ADAMTS18: variants seen among roughly 807,000 people sequenced by gnomAD.
ADAMTS18 encodes the protein ADAM metallopeptidase with thrombospondin type 1 motif 18.
A neutral mutation model predicts 165.9 loss-of-function variants in ADAMTS18; 157 were observed. The ratio of observed to expected loss-of-function variants is 0.95; its 90% CI spans 0.83 to 1.08. The LOEUF (loss-of-function observed/expected upper bound fraction) is 1.08. Among genes scored for constraint, ADAMTS18 ranks in the 50% least tolerant of loss-of-function variants. The probability of loss-of-function intolerance (pLI) is 0.00; values close to 1 mark genes in which losing one functional copy is unlikely to be tolerated. For synonymous variants in ADAMTS18, 782 were observed against 578.2 expected (o/e 1.35, Z -5.06); for missense variants, 2,040 against 1,534.0 (o/e 1.33, Z -5.51).
In ADAMTS18 at chr16:77,335,778, C is replaced by G; in HGVS notation, c.1837G>C (p.Glu613Gln). 6.2e-7 allele frequency: 1 copy of G among 1,614,218 alleles called. No homozygotes were observed. Among genetic ancestry groups the G allele is most frequent in the Non-Finnish European group, 8.5e-7 (1 of 1,180,040 alleles). The change falls in exon 12 of 23, where the codon GAG (glutamate) becomes CAG (glutamine). Residue 613 changes from glutamate to glutamine, a missense_variant. Coordinates refer to ENST00000282849, the MANE Select transcript of ADAMTS18 (RefSeq NM_199355.4). The stretch of plus-strand genomic sequence containing the variant: ...TACTTGGGGTTATTGCAGTGTCTCT[C>G]CTGGAACTTGACTCCTCCACCACAT... ...RTCGGGVKFQ[E>Q]RHCNNPKPQY...
intron 2 of ADAMTS18, among the ~76,000 whole-genome samples, chr16:77,434,049 A>C (rs1271485259): frequency 6.6e-6 from 1 of 152,200 alleles, no homozygotes; most frequent in African/African-American, 2.4e-5. Flanking sequence ...TTCATCTCCC[A>C]CTAAGAATTA....
intron 3 of ADAMTS18, among the ~76,000 whole-genome samples, chr16:77,415,792 T>C (rs1301662702): frequency 1.3e-5 from 2 of 149,958 alleles, no homozygotes; most frequent in African/African-American, 2.5e-5. Flanking sequence ...AGACACGCCA[T>C]TGATGTTTTT....
intron 7 of ADAMTS18, among the ~76,000 whole-genome samples, chr16:77,360,278 C>T (rs555520351): frequency 3.0e-4 from 46 of 152,330 alleles, no homozygotes; most frequent in Non-Finnish European, 5.3e-4. Flanking sequence ...CAAATTCACA[C>T]ACTGTGCTAT....
chr16:77,377,888 A>C (rs1378682025), intron 3 of ADAMTS18, among the ~76,000 whole-genome samples: 2 of 152,234 alleles, frequency 1.3e-5, no homozygotes, highest in East Asian at 3.8e-4. Flanking sequence ...CTTAAAGTAT[A>C]ATCAATATGA....
At position 77,314,778 on chromosome 16, in the gene ADAMTS18, A is replaced by G. The variant is rs868513141; in HGVS notation, c.2532+5071T>C. 1.2e-3 allele frequency among the ~76,000 whole-genome samples: 102 copies of G among 85,402 alleles called. 3 individuals carry two copies. The highest frequency in any genetic ancestry group is 1.8e-3 in the Non-Finnish European group (75 of 41,022). 56.0% of individuals were successfully genotyped at this position (85,402 alleles called of 152,430 possible). ...CATATATATATATATATATATATAT[A>G]TATATATAAAATATATGTGATATGC... On this transcript the variant is annotated intron_variant, in intron 16 of 22. Transcript: ENST00000282849.
chr16:77,353,555 C>A (rs2144713418), intron 10 of ADAMTS18, among the ~76,000 whole-genome samples, 178 bp downstream of exon 10: 1 of 152,290 alleles, frequency 6.6e-6, no homozygotes, highest in Middle Eastern at 3.4e-3. Flanking sequence ...TGTGGATAGG[C>A]CTGGATAATT....
chr16:77,390,645 G>T (rs1242177574), intron 3 of ADAMTS18, among the ~76,000 whole-genome samples: 1 of 150,280 alleles, frequency 6.7e-6, no homozygotes, highest in East Asian at 2.0e-4. Flanking sequence ...AGTGGAGATC[G>T]CACCACTGCA....
At chr16:77,321,542 G>A (rs1222713206) in intron 14 of ADAMTS18, among the ~76,000 whole-genome samples, 4 of 152,142 alleles carry the variant, frequency 2.6e-5, no homozygotes, top group African/African-American at 7.2e-5. Context: ...ATGCATGCAT[G>A]TGTACAAACA....
intron 13 of ADAMTS18, among the ~76,000 whole-genome samples, chr16:77,322,958 C>A (rs1476582350): frequency 6.6e-6 from 1 of 151,768 alleles, no homozygotes; most frequent in Non-Finnish European, 1.5e-5. Context: ...TTTCAGGCAC[C>A]AGGGAGAAAA....
At chr16:77,388,481 A>C (rs1160254569) in intron 3 of ADAMTS18, among the ~76,000 whole-genome samples, 1 of 152,154 alleles carries the variant, frequency 6.6e-6, no homozygotes, top group South Asian at 2.1e-4. Context: ...CACGCCACAG[A>C]CTGGAACCAA....
Position 77,431,323 on chromosome 16 carries a change from G to T in ADAMTS18, c.467C>A (p.Ser156Tyr), listed in dbSNP as rs763484903. The change falls in exon 3 of 23, where the codon TCT becomes TAT. Residue 156 changes from serine to tyrosine, a missense_variant. Coordinates refer to ENST00000282849, the MANE Select transcript of ADAMTS18 (RefSeq NM_199355.4). The part of the protein sequence containing the change: ...QGFIRNDSSS[S>Y]VAVSTCAGLS... ...GCCAGCACACGTAGACACAGCGACA[G>T]AGGAGGAGCTGTCATTTCTGATAAA... The T allele has an allele frequency of 3.1e-6, 5 of 1,614,034 alleles. No individual in the cohort carries two copies. In the African/African-American group the frequency reaches 6.7e-5, roughly 22 times the overall value.
chr16:77,412,139 G>A (rs796164006), intron 3 of ADAMTS18, among the ~76,000 whole-genome samples: 1 of 152,110 alleles, frequency 6.6e-6, no homozygotes, highest in South Asian at 2.1e-4. Flanking sequence ...TCCACTGAAG[G>A]CCTAAATAGA....
chr16:77,291,556 G>T lies in ADAMTS18; in HGVS notation c.3190-78C>A. On this transcript the variant is annotated intron_variant, in intron 20 of 22. Transcript: ENST00000282849. ...CTGGACAGAGGCAGTTTGACATAAG[G>T]TTGCACCATCCACATGAAATAGGAG... 11 of 1,407,476 alleles carry T rather than the reference G, an allele frequency of 7.8e-6. 1 individual carries two copies. The highest frequency in any genetic ancestry group is 5.6e-5 in the African/African-American group (4 of 71,426). 87.2% of individuals were successfully genotyped at this position (1,407,476 alleles called of 1,614,324 possible). A position where few individuals can be genotyped will look rare whatever the true frequency, so the allele number is the denominator to read the frequency against.
chr16:77,335,281 A>G (rs2056290093), intron 12 of ADAMTS18, among the ~76,000 whole-genome samples: 1 of 151,492 alleles, frequency 6.6e-6, no homozygotes, highest in Non-Finnish European at 1.5e-5. Context: ...AAAAAAAAAA[A>G]AAAAAATTGA....
In ADAMTS18 at chr16:77,350,815, C is replaced by T. The variant is rs78969929; in HGVS notation, c.1614+2918G>A. On this transcript the variant is annotated intron_variant, in intron 10 of 22. Coordinates refer to ENST00000282849, the MANE Select transcript of ADAMTS18 (RefSeq NM_199355.4). ...ATTTCTCACAAGTTTCAGGTCTTGC[C>T]GATACACTGCATCTGCTGGTCTGAG... Among the ~76,000 whole-genome samples the T allele has an allele frequency of 3.9e-3, 591 of 152,140 alleles. 2 individuals are homozygous for T. The highest frequency in any genetic ancestry group is 6.3e-3 in the Non-Finnish European group (427 of 68,004).
In ADAMTS18 at chr16:77,353,715, A is replaced by G; in HGVS notation, c.1614+18T>C. ...TTGCAGAGTCTTAATGTAAGTTTGA[A>G]ATCACAAGCAAACATACCTTCACAA... On this transcript the variant is annotated intron_variant, in intron 10 of 22. Coordinates refer to ENST00000282849, the MANE Select transcript of ADAMTS18 (RefSeq NM_199355.4). The G allele has an allele frequency of 2.5e-6, 4 of 1,614,190 alleles. No individual in the cohort carries two copies. The highest frequency in any genetic ancestry group is 3.4e-6 in the Non-Finnish European group (4 of 1,180,022).
At position 77,374,668 on chromosome 16, in the gene ADAMTS18, C is replaced by T. The variant is rs188170494; in HGVS notation, c.496-6945G>A. On this transcript the variant is annotated intron_variant, in intron 3 of 22. Coordinates refer to ENST00000282849, the MANE Select transcript of ADAMTS18 (RefSeq NM_199355.4). The stretch of plus-strand genomic sequence containing the variant: ...ACTTAAGTGCTTTAACTGGACTAAC[C>T]GGTTTGGAAGCTTTCTATTTTCTCC... 4.6e-5 allele frequency among the ~76,000 whole-genome samples: 7 copies of T among 152,300 alleles called. No homozygotes were observed. In the East Asian group the frequency reaches 1.2e-3, roughly 25 times the overall value.
chr16:77,393,166 G>A lies in ADAMTS18; in HGVS notation c.496-25443C>T, dbSNP rs111591044. Among the ~76,000 whole-genome samples the A allele has an allele frequency of 3.6e-3, 546 of 152,316 alleles. 5 individuals are homozygous for A. Among genetic ancestry groups the A allele is most frequent in the African/African-American group, 0.013 (530 of 41,574 alleles). ...ATGGAGGTGAAAACAGATGTCCAGA[G>A]CAGAACATGACTTGTTCAATGTCAT... is the stretch of plus-strand genomic sequence containing the variant. On this transcript the variant is annotated intron_variant, in intron 3 of 22. Coordinates refer to ENST00000282849, the MANE Select transcript of ADAMTS18 (RefSeq NM_199355.4).
At chr16:77,415,643 C>T (rs2057520630) in intron 3 of ADAMTS18, among the ~76,000 whole-genome samples, 1 of 145,808 alleles carries the variant, frequency 6.9e-6, no homozygotes, top group African/African-American at 2.5e-5. Flanking sequence ...ACTGCATGGA[C>T]TTGAGGAAGA....
Sources: gnomAD v4.1 joint callset for allele counts (sites outside exome capture counted in the v4.1 genomes callset) on GRCh38, gnomAD v4.1.1 for gene constraint, MANE v1.5 for transcripts, NCBI Gene and HGNC (gene_info 2026-07-23, HGNC 2026-07-21) for gene names.